Variants in PREX1 observed in about 807,000 individuals in gnomAD.
The protein encoded by PREX1 is phosphatidylinositol-3,4,5-trisphosphate dependent Rac exchange factor 1, also known as phosphatidylinositol 3,4,5-trisphosphate-dependent Rac exchanger 1 protein.
A neutral mutation model predicts 198.3 loss-of-function variants in PREX1; 41 were observed. That is an observed-to-expected ratio of 0.21 (90% CI 0.16 to 0.27). PREX1 has a LOEUF of 0.27. Ranked by LOEUF, PREX1 falls within the 10% of genes least tolerant of loss-of-function variation. PREX1 has a pLI of 1.00. For missense variants in PREX1, 1,620 were observed against 2,200.7 expected (o/e 0.74, Z 5.28); for synonymous variants, 843 against 887.2 (o/e 0.95, Z 0.89).
the PREX1 span, among the ~76,000 whole-genome samples, chr20:48,875,809 G>A: frequency 6.6e-6 from 1 of 152,158 alleles, no homozygotes; most frequent in Non-Finnish European, 1.5e-5. Flanking sequence ...TGCTAAGCAA[G>A]GCTGGGAAGA....
intron 1 of PREX1, among the ~76,000 whole-genome samples, chr20:48,780,742 G>A (rs1307935562): frequency 1.3e-5 from 2 of 152,174 alleles, no homozygotes; most frequent in Non-Finnish European, 2.9e-5. Context: ...AGCTATCACA[G>A]GCCAGACCCA....
intron 1 of PREX1, among the ~76,000 whole-genome samples, chr20:48,761,874 A>G (rs1333953507): frequency 3.3e-5 from 5 of 152,350 alleles, no homozygotes; most frequent in Admixed American, 2.0e-4. Context: ...CAGGTTTCCC[A>G]TTAAAATCCA....
chr20:48,781,284 G>A (rs1003165516), intron 1 of PREX1, among the ~76,000 whole-genome samples: 3 of 152,126 alleles, frequency 2.0e-5, no homozygotes, highest in Non-Finnish European at 2.9e-5. Context: ...TTTGTACTTA[G>A]GTAATTATAC....
At chr20:48,703,931 T>C (rs2089888901) in intron 6 of PREX1, among the ~76,000 whole-genome samples, 1 of 152,220 alleles carries the variant, frequency 6.6e-6, no homozygotes, top group Non-Finnish European at 1.5e-5. Context: ...GGGAAGAGGC[T>C]GAGCACCAAG....
At chr20:48,762,383 A>G (rs1444550504) in intron 1 of PREX1, among the ~76,000 whole-genome samples, 2 of 152,152 alleles carry the variant, frequency 1.3e-5, no homozygotes, top group Non-Finnish European at 2.9e-5. Flanking sequence ...CCTGAGTATT[A>G]TAAGACACTC....
In PREX1 at chr20:48,726,277, G is replaced by A. The variant is rs12480096; in HGVS notation, c.621+13C>T. 183,159 of 1,602,102 alleles carry A rather than the reference G, an allele frequency of 0.11. 10,725 individuals are homozygous for A. The highest frequency in any genetic ancestry group is 0.16 in the African/African-American group (12,215 of 74,752). On this transcript the variant is annotated intron_variant, in intron 5 of 39. Transcript: ENST00000371941. ...AAGAGTTTTCTGTCACTTCAAATACGGGAAAGTCTCACCTTAAGGAGGAGC... is the reference window on the plus strand; with the variant it reads ...AAGAGTTTTCTGTCACTTCAAATACAGGAAAGTCTCACCTTAAGGAGGAGC...
chr20:48,744,864 T>C (rs1395222610), intron 3 of PREX1, among the ~76,000 whole-genome samples, 161 bp downstream of exon 3: 1 of 152,182 alleles, frequency 6.6e-6, no homozygotes, highest in East Asian at 1.9e-4. Flanking sequence ...CTACTTCCCA[T>C]AGTTCCAGGG....
At chr20:48,850,116 T>C in the PREX1 span, among the ~76,000 whole-genome samples, 12 of 152,206 alleles carry the variant, frequency 7.9e-5, no homozygotes, top group Admixed American at 7.9e-4. Flanking sequence ...TACTCTGGTG[T>C]TATCTACTGT....
chr20:48,783,927 G>A (rs1456058505), intron 1 of PREX1, among the ~76,000 whole-genome samples: 2 of 152,096 alleles, frequency 1.3e-5, no homozygotes, highest in Admixed American at 6.5e-5. Context: ...TGGATCTCAC[G>A]CTCCTGAATA....
chr20:48,679,283 A>G, intron 13 of PREX1, 77 bp downstream of exon 13: 1 of 1,275,852 alleles, frequency 7.8e-7, no homozygotes, highest in Non-Finnish European at 1.1e-6. Flanking sequence ...GAGCTCAGAG[A>G]GGTTAAGTTG....
At chr20:48,687,588 G>T (rs1042682573) in intron 10 of PREX1, among the ~76,000 whole-genome samples, 1 of 152,184 alleles carries the variant, frequency 6.6e-6, no homozygotes, top group African/African-American at 2.4e-5. Flanking sequence ...AGGGAAGTTG[G>T]GGGGAGTTTA....
chr20:48,732,001 G>A (rs2122718381), intron 4 of PREX1, among the ~76,000 whole-genome samples: 1 of 152,274 alleles, frequency 6.6e-6, no homozygotes, highest in East Asian at 1.9e-4. Context: ...CCAGAGCCTG[G>A]GCAGCAGGGA....
At chr20:48,851,668 C>T in the PREX1 span, among the ~76,000 whole-genome samples, 3 of 152,288 alleles carry the variant, frequency 2.0e-5, no homozygotes, top group African/African-American at 7.2e-5. Context: ...ATGGTGCACG[C>T]TGGTTGGCTG....
At chr20:48,713,543 T>C (rs1392941506) in intron 5 of PREX1, among the ~76,000 whole-genome samples, 2 of 152,112 alleles carry the variant, frequency 1.3e-5, no homozygotes, top group Non-Finnish European at 2.9e-5. Flanking sequence ...AAGACCAGCC[T>C]GGGCAACACA....
intron 30 of PREX1, among the ~76,000 whole-genome samples, chr20:48,637,988 TGGG>T (rs1314237365): frequency 6.6e-6 from 1 of 152,164 alleles, no homozygotes; most frequent in East Asian, 1.9e-4. Flanking sequence ...CGTGCAAGCC[TGGG>T]ACACAGATGG....
chr20:48,846,878 T>C, the PREX1 span, among the ~76,000 whole-genome samples: 1 of 152,128 alleles, frequency 6.6e-6, no homozygotes, highest in South Asian at 2.1e-4. Flanking sequence ...TGCCTCACTC[T>C]AGGCGAAGAA....
intron 5 of PREX1, among the ~76,000 whole-genome samples, chr20:48,719,451 G>T (rs1039264018): frequency 6.6e-6 from 1 of 152,108 alleles, no homozygotes; most frequent in African/African-American, 2.4e-5. Context: ...GGATGAAGGG[G>T]TGGGCACTGT....
chr20:48,771,188 C>T, intron 1 of PREX1, among the ~76,000 whole-genome samples: 1 of 151,698 alleles, frequency 6.6e-6, no homozygotes, highest in Non-Finnish European at 1.5e-5. Context: ...TGCATGTCAC[C>T]TTTCCAGTGG....
At chr20:48,638,447 C>T (rs2089383254) in intron 30 of PREX1, among the ~76,000 whole-genome samples, 1 of 152,344 alleles carries the variant, frequency 6.6e-6, no homozygotes, top group East Asian at 1.9e-4. Context: ...CTTCCAGGCC[C>T]AACATCCTGT....
Sources: gnomAD v4.1 joint callset for allele counts (sites outside exome capture counted in the v4.1 genomes callset) on GRCh38, gnomAD v4.1.1 for gene constraint, MANE v1.5 for transcripts, NCBI Gene and HGNC (gene_info 2026-07-23, HGNC 2026-07-21) for gene names.